Variants in DTNBP1 observed in about 807,000 individuals in gnomAD.
The protein encoded by DTNBP1 is dysbindin.
Under a neutral mutation model 42.8 loss-of-function variants are expected in DTNBP1, and 35 were observed. The observed-to-expected ratio is 0.82, with a 90% CI of 0.63 to 1.09. DTNBP1 has a LOEUF of 1.09. Among genes scored for constraint, DTNBP1 ranks in the 50% least tolerant of loss-of-function variants. The pLI, the probability that DTNBP1 is intolerant of heterozygous loss-of-function variation, is 0.00. For synonymous variants in DTNBP1, 171 were observed against 162.2 expected (o/e 1.05, Z -0.41); for missense variants, 457 against 424.2 (o/e 1.08, Z -0.68).
chr6:15,662,698 A>G lies in DTNBP1; in HGVS notation c.56+116T>C. On this transcript the variant is annotated intron_variant, in intron 1 of 9. Coordinates refer to ENST00000344537, the MANE Select transcript of DTNBP1 (RefSeq NM_032122.5). ...CTTTCCTCGGCGGGGCGGGGCGGGG[A>G]GGTGCGGGACAGGACGGACCCTGGA... is the stretch of plus-strand genomic sequence containing the variant. 76 of 1,338,332 alleles carry G rather than the reference A, an allele frequency of 5.7e-5. No homozygotes were observed. The Middle Eastern group carries it at 1.2e-3, about 21-fold the overall frequency. 82.9% of individuals were successfully genotyped at this position (1,338,332 alleles called of 1,614,324 possible). A position where few individuals can be genotyped will look rare whatever the true frequency, so the allele number is the denominator to read the frequency against.
At chr6:15,537,985 A>C (rs1234028557) in intron 7 of DTNBP1, among the ~76,000 whole-genome samples, 1 of 152,224 alleles carries the variant, frequency 6.6e-6, no homozygotes, top group Admixed American at 6.5e-5. Flanking sequence ...GATTACTTCT[A>C]AACTTGCTTT....
At chr6:15,525,251 A>G (rs1287083208) in intron 8 of DTNBP1, among the ~76,000 whole-genome samples, 1 of 152,236 alleles carries the variant, frequency 6.6e-6, no homozygotes, top group African/African-American at 2.4e-5. Context: ...ATGAAACAGC[A>G]CATGCCTAGT....
chr6:15,532,809 C>A (rs370187986), intron 8 of DTNBP1, among the ~76,000 whole-genome samples: 1 of 149,626 alleles, frequency 6.7e-6, no homozygotes, highest in African/African-American at 2.5e-5. Flanking sequence ...AAGTGATTCC[C>A]GTGCTTCAGC....
intron 7 of DTNBP1, 118 bp downstream of exon 7, chr6:15,592,941 G>A (rs1338091840): frequency 2.3e-5 from 24 of 1,058,912 alleles, no homozygotes; most frequent in Non-Finnish European, 3.3e-5. Flanking sequence ...ACAGTATTAA[G>A]TTTTACTGTT....
At chr6:15,555,545 G>A (rs1774464940) in intron 7 of DTNBP1, among the ~76,000 whole-genome samples, 1 of 152,198 alleles carries the variant, frequency 6.6e-6, no homozygotes, top group Non-Finnish European at 1.5e-5. Context: ...ACCTCTGGTT[G>A]TCCTCACTGC....
At chr6:15,577,057 C>T (rs768805947) in intron 7 of DTNBP1, among the ~76,000 whole-genome samples, 3 of 152,166 alleles carry the variant, frequency 2.0e-5, no homozygotes, top group Non-Finnish European at 2.9e-5. Context: ...GAATGATATA[C>T]AAAGTAAAAT....
At chr6:15,636,349 C>T (rs1760022444) in intron 4 of DTNBP1, among the ~76,000 whole-genome samples, 1 of 152,020 alleles carries the variant, frequency 6.6e-6, no homozygotes, top group Non-Finnish European at 1.5e-5. Context: ...TGGGGTTTCA[C>T]CATGTTGGCC....
At chr6:15,532,089 T>G (rs1581702869) in intron 8 of DTNBP1, among the ~76,000 whole-genome samples, 1 of 151,424 alleles carries the variant, frequency 6.6e-6, no homozygotes, top group Admixed American at 6.6e-5. Context: ...ATTTGGGGGG[T>G]GAGGGAGGTG....
intron 7 of DTNBP1, among the ~76,000 whole-genome samples, chr6:15,573,296 GA>G (rs1274798851): frequency 1.3e-5 from 2 of 151,824 alleles, no homozygotes; most frequent in South Asian, 2.1e-4. Flanking sequence ...GATATATACT[GA>G]AAAAAACTCA....
intron 7 of DTNBP1, among the ~76,000 whole-genome samples, chr6:15,549,035 A>G (rs1195379601): frequency 1.3e-5 from 2 of 152,238 alleles, no homozygotes; most frequent in African/African-American, 4.8e-5. Context: ...CCAGGAATGG[A>G]GAAATACACA....
chr6:15,539,070 A>C (rs547439670), intron 7 of DTNBP1, among the ~76,000 whole-genome samples: 1 of 152,330 alleles, frequency 6.6e-6, no homozygotes, highest in Non-Finnish European at 1.5e-5. Context: ...CTTAAAACCC[A>C]GTGATGGAGT....
At chr6:15,604,218 C>CG (rs1473815861) in intron 6 of DTNBP1, among the ~76,000 whole-genome samples, 10 of 152,222 alleles carry the variant, frequency 6.6e-5, no homozygotes, top group African/African-American at 1.4e-4. Context: ...TTCATTGTTT[C>CG]GGGGGAGAGA....
At chr6:15,594,725 T>C (rs923505591) in intron 6 of DTNBP1, among the ~76,000 whole-genome samples, 12 of 152,086 alleles carry the variant, frequency 7.9e-5, no homozygotes, top group African/African-American at 2.9e-4. Flanking sequence ...GTGGGGAAAG[T>C]TGACAGAACA....
chr6:15,582,176 C>A (rs2743550), intron 7 of DTNBP1, among the ~76,000 whole-genome samples: 23,484 of 152,088 alleles, frequency 0.15, 2,695 homozygotes, highest in African/African-American at 0.32. Flanking sequence ...AATGCAATAC[C>A]TAAAGAACAC....
intron 7 of DTNBP1, among the ~76,000 whole-genome samples, chr6:15,586,459 G>GT (rs905144662): frequency 7.9e-5 from 12 of 151,690 alleles, no homozygotes; most frequent in African/African-American, 2.9e-4. Context: ...CACTCTCACT[G>GT]TATCTTCAAC....
intron 4 of DTNBP1, among the ~76,000 whole-genome samples, chr6:15,633,357 C>T (rs1362182188): frequency 6.6e-6 from 1 of 152,164 alleles, no homozygotes; most frequent in Admixed American, 6.5e-5. Context: ...GGAAAGAATA[C>T]ACTATTCTAG....
chr6:15,557,373 T>C (rs1350265906), intron 7 of DTNBP1, among the ~76,000 whole-genome samples: 1 of 152,162 alleles, frequency 6.6e-6, no homozygotes, highest in African/African-American at 2.4e-5. Context: ...AAAGAAATTC[T>C]GTGTGTAAAC....
At chr6:15,604,196 T>C (rs552765625) in intron 6 of DTNBP1, among the ~76,000 whole-genome samples, 1 of 152,332 alleles carries the variant, frequency 6.6e-6, no homozygotes, top group East Asian at 1.9e-4. Flanking sequence ...TCTCATTTAT[T>C]TCACCTGGTT....
chr6:15,539,715 G>A (rs944487709), intron 7 of DTNBP1, among the ~76,000 whole-genome samples: 21 of 152,106 alleles, frequency 1.4e-4, no homozygotes, highest in African/African-American at 5.1e-4. Flanking sequence ...CTGGTACGAC[G>A]GCACATCCTC....
Sources: gnomAD v4.1 joint callset for allele counts (sites outside exome capture counted in the v4.1 genomes callset) on GRCh38, gnomAD v4.1.1 for gene constraint, MANE v1.5 for transcripts, NCBI Gene and HGNC (gene_info 2026-07-23, HGNC 2026-07-21) for gene names.